Variants in ZPBP observed in about 807,000 individuals in gnomAD.
The protein encoded by ZPBP is zona pellucida binding protein.
In ZPBP, 26 loss-of-function variants were observed where a neutral mutation model predicts 44.8. The observed-to-expected ratio is 0.58, with a 90% CI of 0.43 to 0.81. ZPBP has a LOEUF of 0.81. Ranked by LOEUF, ZPBP falls within the 30% of genes least tolerant of loss-of-function variation. The pLI is 0.00. For missense variants in ZPBP, 409 were observed against 434.0 expected, an observed-to-expected ratio of 0.94 and a Z score of 0.51; for synonymous variants, 174 against 153.2, an observed-to-expected ratio of 1.14 and a Z score of -1.00.
chr7:49,911,338 T>G (rs1186752568), intron 1 of ZPBP, among the ~76,000 whole-genome samples: 2 of 151,650 alleles, frequency 1.3e-5, no homozygotes, highest in Non-Finnish European at 2.9e-5. Flanking sequence ...AAAAATTAGC[T>G]GGGTGTGGTG....
At chr7:50,055,545 T>C (rs1800898408) in intron 4 of ZPBP, among the ~76,000 whole-genome samples, 1 of 152,128 alleles carries the variant, frequency 6.6e-6, no homozygotes. Context: ...CCCTACTTAA[T>C]AGCTATGGTC....
At chr7:49,933,093 T>G (rs546765561), downstream of ZPBP, among the ~76,000 whole-genome samples, 4 of 152,142 alleles carry the variant, frequency 2.6e-5, no homozygotes, top group African/African-American at 7.2e-5. Flanking sequence ...TTTGCTGAAA[T>G]GTATGAAATA....
At chr7:49,967,651 G>T (rs1796115734) in intron 7 of ZPBP, among the ~76,000 whole-genome samples, 1 of 152,032 alleles carries the variant, frequency 6.6e-6, no homozygotes, top group African/African-American at 2.4e-5. Context: ...GGTTCAAGCA[G>T]TTCTCCTGCC....
chr7:49,881,049 T>C (rs533391431), intron 2 of ZPBP, among the ~76,000 whole-genome samples: 1 of 152,300 alleles, frequency 6.6e-6, no homozygotes, highest in East Asian at 1.9e-4. Flanking sequence ...CCTTGGTCCA[T>C]TCTCTGTTGG....
At chr7:49,958,097 A>G (rs1296823709) in intron 7 of ZPBP, among the ~76,000 whole-genome samples, 2 of 152,180 alleles carry the variant, frequency 1.3e-5, no homozygotes, top group African/African-American at 4.8e-5. Context: ...CCTTTTGGAA[A>G]TATATCCTCT....
At chr7:49,919,894 T>C (rs928756828) in intron 1 of ZPBP, 1 of 152,220 alleles carries the variant, frequency 6.6e-6, no homozygotes, top group Non-Finnish European at 1.5e-5. Flanking sequence ...TTATGTTCTA[T>C]ATATGTTTTT....
At chr7:49,949,255 T>C (rs930139281) in intron 7 of ZPBP, among the ~76,000 whole-genome samples, 1 of 152,156 alleles carries the variant, frequency 6.6e-6, no homozygotes, top group Non-Finnish European at 1.5e-5. Flanking sequence ...CCACCCATTC[T>C]ATGAAATTTT....
intron 1 of ZPBP, among the ~76,000 whole-genome samples, chr7:49,929,676 G>T (rs1159880009): frequency 6.6e-6 from 1 of 152,162 alleles, no homozygotes; most frequent in Admixed American, 6.5e-5. Context: ...TTTATGAGGT[G>T]GGGGCAGATA....
At chr7:50,050,031 T>G (rs1800607088) in intron 4 of ZPBP, among the ~76,000 whole-genome samples, 1 of 151,814 alleles carries the variant, frequency 6.6e-6, no homozygotes, top group Non-Finnish European at 1.5e-5. Flanking sequence ...TTTATAATTA[T>G]TCTAAAAAAT....
intron 5 of ZPBP, among the ~76,000 whole-genome samples, chr7:50,030,188 G>C (rs1340853666): frequency 6.6e-6 from 1 of 152,012 alleles, no homozygotes; most frequent in African/African-American, 2.4e-5. Context: ...CAGACCCAGG[G>C]GCTGGGGAAA....
At chr7:49,860,346 T>A (rs758799805) in intron 2 of ZPBP, among the ~76,000 whole-genome samples, 2 of 152,258 alleles carry the variant, frequency 1.3e-5, no homozygotes, top group Non-Finnish European at 2.9e-5. Context: ...AGTAGACTCA[T>A]TCAATATTTG....
intron 7 of ZPBP, among the ~76,000 whole-genome samples, chr7:49,966,435 T>C (rs568663968): frequency 3.9e-5 from 6 of 152,236 alleles, no homozygotes; most frequent in South Asian, 2.1e-4. Context: ...ATATATACCA[T>C]ACACCAGGCC....
chr7:49,948,230 G>A (rs1246968294), intron 7 of ZPBP, among the ~76,000 whole-genome samples: 2 of 152,178 alleles, frequency 1.3e-5, no homozygotes, highest in East Asian at 1.9e-4. Flanking sequence ...TTCTTATGAA[G>A]GTGCTTTTTT....
Position 50,093,096 on chromosome 7 carries a change from G to A in ZPBP, c.99C>T (p.Ser33=). The A allele has an allele frequency of 6.3e-7, 1 of 1,599,596 alleles. No individual in the cohort carries two copies. Among genetic ancestry groups the A allele is most frequent in the South Asian group, 1.1e-5 (1 of 88,890 alleles). The part of the protein sequence containing the change: ...LSRAAILLFI[S]AFLVRVPSSV... ...ATGAGGGCACCCGCACCAGGAAGGC[G>A]GAGATAAAGAGGAGGATGGCGGCCC... is the stretch of plus-strand genomic sequence containing the variant. The change falls in exon 1 of 8, where the codon TCC becomes TCT. Residue 33 remains serine, a synonymous_variant. Transcript: ENST00000046087.
intron 1 of ZPBP, chr7:49,918,078 A>C (rs1473698145): frequency 6.6e-6 from 1 of 152,232 alleles, no homozygotes; most frequent in African/African-American, 2.4e-5. Context: ...GCAGTCGGTG[A>C]ATGTATATCA....
At chr7:49,888,903 C>T (rs1023335225) in intron 2 of ZPBP, among the ~76,000 whole-genome samples, 51 of 151,496 alleles carry the variant, frequency 3.4e-4, no homozygotes, top group African/African-American at 1.1e-3. Flanking sequence ...AAGAGCGAGA[C>T]TTCATCTCAA....
intron 2 of ZPBP, among the ~76,000 whole-genome samples, chr7:49,858,636 A>T (rs1790524303): frequency 6.6e-6 from 1 of 151,948 alleles, no homozygotes; most frequent in African/African-American, 2.4e-5. Context: ...GCACACCAAC[A>T]CGGCACATGT....
chr7:50,070,328 A>G lies in ZPBP; in HGVS notation c.334+11446T>C, dbSNP rs142945267. ...GGTGATCAAACTCCCCTTCATCCCT[A>G]TGGGAAGGGCTTTCCTGTCTTGGGC... is the stretch of plus-strand genomic sequence containing the variant. On this transcript the variant is annotated intron_variant, in intron 3 of 7. Coordinates refer to ENST00000046087, the MANE Select transcript of ZPBP (RefSeq NM_007009.3). Among the ~76,000 whole-genome samples, 357 of 152,200 alleles carry G rather than the reference A, an allele frequency of 2.3e-3. 1 individual carries two copies. Among genetic ancestry groups the G allele is most frequent in the African/African-American group, 8.4e-3 (347 of 41,532 alleles).
In ZPBP at chr7:50,081,811, T is replaced by C; in HGVS notation, c.297A>G (p.Ser99=). Reference sequence around the variant, plus strand: ...TTCCTTTAGGCCCATACCATTGGAATGATGGGTCTATCAGTTCAGCATTTC... The same window carrying C: ...TTCCTTTAGGCCCATACCATTGGAACGATGGGTCTATCAGTTCAGCATTTC... ...QLRNAELIDP[S]FQWYGPKGKV... The change falls in exon 3 of 8, where the codon TCA becomes TCG. Residue 99 remains serine, a synonymous_variant. Coordinates refer to ENST00000046087, the MANE Select transcript of ZPBP (RefSeq NM_007009.3). The C allele has an allele frequency of 1.2e-6, 2 of 1,611,608 alleles. No individual in the cohort carries two copies. The highest frequency in any genetic ancestry group is 1.7e-6 in the Non-Finnish European group (2 of 1,178,308).
Sources: allele counts gnomAD v4.1 joint callset (sites outside exome capture counted in the v4.1 genomes callset), GRCh38; gene constraint gnomAD v4.1.1; transcripts MANE v1.5; gene names NCBI Gene and HGNC (gene_info 2026-07-23, HGNC 2026-07-21).